Variants in CADM1 observed in about 807,000 individuals in gnomAD.
CADM1 encodes the protein cell adhesion molecule 1.
Under a neutral mutation model 53.1 loss-of-function variants are expected in CADM1, and 15 were observed. The observed-to-expected ratio is 0.28, with a 90% CI of 0.19 to 0.44. The LOEUF (loss-of-function observed/expected upper bound fraction) is 0.44, where lower values mean the gene tolerates loss of function less well. CADM1 is among the 20% of genes least tolerant of loss of function. The probability of loss-of-function intolerance (pLI) is 1.00; values close to 1 mark genes in which losing one functional copy is unlikely to be tolerated. For synonymous variants in CADM1, 281 were observed against 243.0 expected, an observed-to-expected ratio of 1.16 and a Z score of -1.45; for missense variants, 434 against 611.3, an observed-to-expected ratio of 0.71 and a Z score of 3.06.
intron 10 of CADM1, among the ~76,000 whole-genome samples, chr11:115,183,084 G>A (rs763985945): frequency 1.3e-5 from 2 of 152,142 alleles, no homozygotes; most frequent in Non-Finnish European, 2.9e-5. Context: ...CAGTTGACCT[G>A]GCCCGATCCA....
At position 115,312,725 on chromosome 11, in the gene CADM1, A is replaced by G. The variant is rs554400475; in HGVS notation, c.125-72305T>C. ...TAAGTGTCTAGTTGTGCTAACACCT[A>G]AAACATCAGATGACTAATAATCTAA... On this transcript the variant is annotated intron_variant, in intron 1 of 11. Coordinates refer to ENST00000331581, the MANE Select transcript of CADM1 (RefSeq NM_001301043.2). 7.9e-5 allele frequency among the ~76,000 whole-genome samples: 12 copies of G among 152,306 alleles called. No individual in the cohort carries two copies. In the South Asian group the frequency reaches 2.5e-3, roughly 32 times the overall value.
At chr11:115,299,275 A>T (rs1287216391) in intron 1 of CADM1, among the ~76,000 whole-genome samples, 1 of 152,082 alleles carries the variant, frequency 6.6e-6, no homozygotes, top group African/African-American at 2.4e-5. Flanking sequence ...TGAACATGGC[A>T]TTTATTTTTA....
chr11:115,381,345 T>C (rs1283624787), intron 1 of CADM1, among the ~76,000 whole-genome samples: 2 of 148,742 alleles, frequency 1.3e-5, no homozygotes, highest in Non-Finnish European at 3.0e-5. Flanking sequence ...CTGTGCAAAA[T>C]GCAATTCCAG....
At chr11:115,219,343 A>T (rs368837667) in intron 5 of CADM1, among the ~76,000 whole-genome samples, 1 of 152,186 alleles carries the variant, frequency 6.6e-6, no homozygotes, top group African/African-American at 2.4e-5. Context: ...ATGCATTCTT[A>T]TAGTCTCTTT....
intron 1 of CADM1, among the ~76,000 whole-genome samples, chr11:115,376,219 T>C (rs960610215): frequency 6.6e-6 from 1 of 152,182 alleles, no homozygotes; most frequent in African/African-American, 2.4e-5. Flanking sequence ...AATAGTGCTA[T>C]AAGCTCTGGC....
At chr11:115,371,809 A>AT (rs1410223907) in intron 1 of CADM1, among the ~76,000 whole-genome samples, 45 of 10,430 alleles carry the variant, frequency 4.3e-3, no homozygotes, top group South Asian at 6.0e-3. Flanking sequence ...CAGCTAATGG[A>AT]TTTTTTTTTT....
intron 1 of CADM1, among the ~76,000 whole-genome samples, chr11:115,276,407 G>A (rs564943657): frequency 6.6e-6 from 1 of 152,336 alleles, no homozygotes; most frequent in Admixed American, 6.5e-5. Context: ...AGGAAAAGAG[G>A]TAGCTGCAGC....
chr11:115,471,518 T>C (rs1391351458), intron 1 of CADM1, among the ~76,000 whole-genome samples: 1 of 152,162 alleles, frequency 6.6e-6, no homozygotes, highest in Non-Finnish European at 1.5e-5. Context: ...CCTTTCACAC[T>C]GAGTATGTGA....
At chr11:115,308,664 G>C (rs1355704564) in intron 1 of CADM1, among the ~76,000 whole-genome samples, 2 of 151,922 alleles carry the variant, frequency 1.3e-5, no homozygotes, top group Admixed American at 6.6e-5. Flanking sequence ...TAGAGTGTGA[G>C]TGCTATTCCT....
Position 115,184,132 on chromosome 11 carries a change from C to T in CADM1, c.1166-5357G>A, listed in dbSNP as rs190800347. ...GTGACTATGATGTCATTTGTTACTT[C>T]TTGCTAGGAAGAAAGAAAAAGCCTG... On this transcript the variant is annotated intron_variant, in intron 10 of 11. Transcript: ENST00000331581. Among the ~76,000 whole-genome samples, 455 of 152,066 alleles carry T rather than the reference C, an allele frequency of 3.0e-3. 6 individuals are homozygous for T. Among genetic ancestry groups the T allele is most frequent in the African/African-American group, 0.01 (433 of 41,510 alleles).
At chr11:115,359,504 C>A (rs1408699982) in intron 1 of CADM1, among the ~76,000 whole-genome samples, 1 of 152,086 alleles carries the variant, frequency 6.6e-6, no homozygotes, top group Non-Finnish European at 1.5e-5. Context: ...AAAGACATGA[C>A]ACAGTCATAT....
intron 1 of CADM1, among the ~76,000 whole-genome samples, chr11:115,273,107 A>G (rs1335686072): frequency 2.0e-5 from 3 of 152,226 alleles, no homozygotes; most frequent in African/African-American, 7.2e-5. Flanking sequence ...ACATGAACAC[A>G]GTAGATATCC....
intron 1 of CADM1, among the ~76,000 whole-genome samples, chr11:115,478,340 T>C (rs1258397043): frequency 6.6e-6 from 1 of 152,052 alleles, no homozygotes; most frequent in Non-Finnish European, 1.5e-5. Flanking sequence ...AAAGGATATA[T>C]TCAGAAAATA....
At chr11:115,252,155 T>C (rs1942625875) in intron 1 of CADM1, among the ~76,000 whole-genome samples, 1 of 152,242 alleles carries the variant, frequency 6.6e-6, no homozygotes, top group Non-Finnish European at 1.5e-5. Flanking sequence ...GTTCTGAGCT[T>C]ACTGGTGGTG....
At chr11:115,385,727 T>C (rs117874582) in intron 1 of CADM1, among the ~76,000 whole-genome samples, 28 of 151,628 alleles carry the variant, frequency 1.8e-4, no homozygotes, top group Non-Finnish European at 3.1e-4. Flanking sequence ...CTCCCAAATA[T>C]AAGTAGATAA....
In CADM1 at chr11:115,273,814, C is replaced by T. The variant is rs12577839; in HGVS notation, c.125-33394G>A. The stretch of plus-strand genomic sequence containing the variant: ...AACTCATCAACATTTATCAAAACAT[C>T]GCCTGGAGAAAGAATGAGATGGCTA... On this transcript the variant is annotated intron_variant, in intron 1 of 11. Coordinates refer to ENST00000331581, the MANE Select transcript of CADM1 (RefSeq NM_001301043.2). 9.1e-3 allele frequency among the ~76,000 whole-genome samples: 1,390 copies of T among 152,256 alleles called. 84 individuals carry two copies. The East Asian group carries it at 0.17, about 19-fold the overall frequency.
At chr11:115,405,143 C>T (rs1027501266) in intron 1 of CADM1, among the ~76,000 whole-genome samples, 3 of 152,044 alleles carry the variant, frequency 2.0e-5, no homozygotes, top group Non-Finnish European at 1.5e-5. Context: ...TTTTTAAAGA[C>T]GGGGTCTTGC....
chr11:115,237,029 G>A (rs570733105), intron 3 of CADM1, among the ~76,000 whole-genome samples: 25 of 152,214 alleles, frequency 1.6e-4, no homozygotes, highest in African/African-American at 5.3e-4. Context: ...TCACTTTTGT[G>A]GAAATGCCAT....
At chr11:115,225,936 G>A (rs939986829) in intron 5 of CADM1, among the ~76,000 whole-genome samples, 1 of 151,854 alleles carries the variant, frequency 6.6e-6, no homozygotes, top group African/African-American at 2.4e-5. Flanking sequence ...AAACCTTCAT[G>A]GTGTAAAATC....
Sources: gnomAD v4.1 joint callset for allele counts (sites outside exome capture counted in the v4.1 genomes callset) on GRCh38, gnomAD v4.1.1 for gene constraint, MANE v1.5 for transcripts, NCBI Gene and HGNC (gene_info 2026-07-23, HGNC 2026-07-21) for gene names.